The following SLC15A3 variants were observed in gnomAD, a reference collection of about 807,000 sequenced individuals.
SLC15A3 encodes solute carrier family 15 member 3, also known as osteoclast transporter.
SLC15A3 carries 39 observed loss-of-function variants against 49.2 expected under a neutral mutation model. That is an observed-to-expected ratio of 0.79 (90% confidence interval 0.61 to 1.04). The LOEUF is 1.04. Among genes scored for constraint, SLC15A3 ranks in the 50% least tolerant of loss-of-function variants. The probability of loss-of-function intolerance (pLI) is 0.00; values close to 1 mark genes in which losing one functional copy is unlikely to be tolerated. For synonymous variants in SLC15A3, 339 were observed against 367.0 expected (o/e 0.92, Z 0.87); for missense variants, 758 against 794.8 (o/e 0.95, Z 0.56).
In SLC15A3 at chr11:60,937,276, A is replaced by G; in HGVS notation, c.1689T>C (p.Tyr563=). ...ALLFVWIAGR[Y]ERASQGPASH... ...AGGCTGGGCCCTGGGACGCCCTCTC[A>G]TAGCGTCCAGCGATCCAGACAAATA... Residue 563 remains tyrosine, a synonymous_variant, in exon 8 of 8, where the codon TAT becomes TAC. Transcript: ENST00000227880. The G allele has an allele frequency of 6.2e-7, 1 of 1,614,150 alleles. No homozygotes were observed.
At chr11:60,948,862 G>T (rs1856843354) in intron 1 of SLC15A3, among the ~76,000 whole-genome samples, 2 of 152,252 alleles carry the variant, frequency 1.3e-5, no homozygotes, top group East Asian at 3.9e-4. Context: ...TGCCACAGGG[G>T]GTACTAGATG....
chr11:60,946,148 A>G (rs1483757976), intron 2 of SLC15A3, among the ~76,000 whole-genome samples: 1 of 151,862 alleles, frequency 6.6e-6, no homozygotes, highest in African/African-American at 2.4e-5. Context: ...ACAGGCCACC[A>G]CACCCCACTA....
chr11:60,947,186 AT>A (rs11307430), intron 1 of SLC15A3, among the ~76,000 whole-genome samples: 125,864 of 145,630 alleles, frequency 0.86, 54,737 homozygotes, highest in South Asian at 0.95. Flanking sequence ...ACTATTCATT[AT>A]TTTTTTTTTT....
At chr11:60,943,969 CCAAGATGA>C (rs1180149683) in intron 2 of SLC15A3, 133 bp from the exon 3 acceptor site, 6 of 882,452 alleles carry the variant, frequency 6.8e-6, no homozygotes, top group Non-Finnish European at 9.5e-6. Context: ...ACCAGCCTGG[CCAAGATGA>C]TGAAACTCCG....
intron 5 of SLC15A3, 62 bp from the exon 6 acceptor site, chr11:60,939,700 G>A: frequency 6.3e-7 from 1 of 1,577,928 alleles, no homozygotes; most frequent in East Asian, 2.2e-5. Flanking sequence ...GCCCACAGAA[G>A]AGCTTGTACA....
At chr11:60,937,790 C>A in intron 7 of SLC15A3, 80 bp downstream of exon 7, 1 of 1,515,670 alleles carries the variant, frequency 6.6e-7, no homozygotes, top group South Asian at 1.3e-5. Context: ...TCCCCAGAGT[C>A]AAAGCACTTT....
In SLC15A3 at chr11:60,946,880, C is replaced by CTA; in HGVS notation, c.559-60_559-59insTA. The CTA allele has an allele frequency of 2.0e-6, 3 of 1,530,838 alleles. No homozygotes were observed. The South Asian group carries it at 3.7e-5, about 19-fold the overall frequency. 94.8% of individuals were successfully genotyped at this position (1,530,838 alleles called of 1,614,324 possible). Reference sequence around the variant, plus strand: ...AAGGGGTCCGGGGCACTCTCTGTACCCATACCCCTCCCTCCTACAGAGACA... The same window carrying CTA: ...AAGGGGTCCGGGGCACTCTCTGTACCTACATACCCCTCCCTCCTACAGAGACA... On this transcript the variant is annotated intron_variant, in intron 1 of 7. Transcript: ENST00000227880.
intron 1 of SLC15A3, among the ~76,000 whole-genome samples, chr11:60,947,183 A>G (rs1565128902): frequency 1.7e-5 from 1 of 59,784 alleles, no homozygotes; most frequent in Non-Finnish European, 3.7e-5. Context: ...TACACTATTC[A>G]TTATTTTTTT....
At position 60,937,275 on chromosome 11, in the gene SLC15A3, C is replaced by T; in HGVS notation, c.1690G>A (p.Glu564Lys). Residue 564 changes from glutamate (E) to lysine (K), a missense_variant, in exon 8 of 8, where the codon GAG (glutamate) becomes AAG (lysine). Physicochemically the swap from Glu to Lys is moderately conservative, Grantham distance 56 (BLOSUM62 1). Transcript: ENST00000227880. ...LLFVWIAGRY[E>K]RASQGPASHS... ...GAGGCTGGGCCCTGGGACGCCCTCT[C>T]ATAGCGTCCAGCGATCCAGACAAAT... is the stretch of plus-strand genomic sequence containing the variant. 6.2e-7 allele frequency: 1 copy of T among 1,614,180 alleles called. No homozygotes were observed.
chr11:60,950,947 C>A, intron 1 of SLC15A3, 47 bp downstream of exon 1: 1 of 1,391,638 alleles, frequency 7.2e-7, no homozygotes, highest in Non-Finnish European at 9.3e-7. Flanking sequence ...GCCCTCCTTC[C>A]CTCCACACCC....
chr11:60,937,943 G>C lies in SLC15A3; in HGVS notation c.1518C>G (p.Gly506=), dbSNP rs749518483. 3.7e-6 allele frequency: 6 copies of C among 1,614,208 alleles called. No homozygotes were observed. The East Asian group carries it at 6.7e-5, about 18-fold the overall frequency. ...CCACTAGGCTGGAGCCCAACAGTGA[G>C]CCCACCCCCGACAGGCAGAAGAAGA... ...MGIFFCLSGV[G]SLLGSSLVAL... The change falls in exon 7 of 8, where the codon GGC becomes GGG. Residue 506 remains glycine (G), a synonymous_variant. Transcript: ENST00000227880.
intron 7 of SLC15A3, 45 bp downstream of exon 7, chr11:60,937,825 C>T: frequency 6.3e-7 from 1 of 1,591,574 alleles, no homozygotes; most frequent in Non-Finnish European, 8.6e-7. Flanking sequence ...CCTTTCCAAG[C>T]CTCCCTCCAT....
chr11:60,945,829 C>T (rs1252692595), intron 2 of SLC15A3, among the ~76,000 whole-genome samples: 1 of 152,106 alleles, frequency 6.6e-6, no homozygotes, highest in Non-Finnish European at 1.5e-5. Flanking sequence ...ACATTGTATC[C>T]TAACAGCCTT....
Position 60,939,545 on chromosome 11 carries a change from GAC to G in SLC15A3, c.1368_1369del (p.Ser457HisfsTer15). ...GTACTGAGGGATCTGCCACCAGATGGACAGTGGTGCCGCGTTGTACAGGACCT... is the reference window on the plus strand; with the variant it reads ...GTACTGAGGGATCTGCCACCAGATGGAGTGGTGCCGCGTTGTACAGGACCT... On this transcript the variant is annotated frameshift_variant, in exon 6 of 8. Transcript: ENST00000227880. LOFTEE classifies it high-confidence loss of function. 1 of 1,614,192 alleles carries G rather than the reference GAC, an allele frequency of 6.2e-7. No homozygotes were observed. Among genetic ancestry groups the G allele is most frequent in the Non-Finnish European group, 8.5e-7 (1 of 1,180,018 alleles).
At chr11:60,941,904 G>A (rs1202142277) in intron 4 of SLC15A3, 131 bp downstream of exon 4, 1 of 855,324 alleles carries the variant, frequency 1.2e-6, no homozygotes, top group Non-Finnish European at 1.9e-6. Flanking sequence ...CCCTCCAGGT[G>A]CTTTTCCTGT....
intron 1 of SLC15A3, among the ~76,000 whole-genome samples, chr11:60,949,485 GAAGAAAGA>G (rs1182100618): frequency 1.2e-5 from 1 of 84,194 alleles, no homozygotes. Context: ...AGAAAGAAAG[GAAGAAAGA>G]AAGAAAGAAG....
chr11:60,939,742 A>G lies in SLC15A3; in HGVS notation c.1277-104T>C, dbSNP rs115404627. ...GGATGGGGTACTCATGAAGCAGCCAAAGATTGAGCAGCAGGCAAGGAAAAG... is the reference window on the plus strand; with the variant it reads ...GGATGGGGTACTCATGAAGCAGCCAGAGATTGAGCAGCAGGCAAGGAAAAG... On this transcript the variant is annotated intron_variant, in intron 5 of 7. Coordinates refer to ENST00000227880, the MANE Select transcript of SLC15A3 (RefSeq NM_016582.3). The G allele has an allele frequency of 4.1e-4, 548 of 1,344,058 alleles. No individual in the cohort carries two copies. In the African/African-American group the frequency reaches 7.5e-3, roughly 18 times the overall value. The allele number at this position is 1,344,058 out of a possible 1,614,324, so 83.3% of individuals were successfully genotyped here. A position where few individuals can be genotyped will look rare whatever the true frequency, so the allele number is the denominator to read the frequency against.
chr11:60,941,475 C>T, intron 4 of SLC15A3, 185 bp from the exon 5 acceptor site: 1 of 543,334 alleles, frequency 1.8e-6, no homozygotes. Context: ...CAAATAGGTT[C>T]CTCTTGTATT....
chr11:60,937,671 G>C, intron 7 of SLC15A3, 199 bp downstream of exon 7: 1 of 733,282 alleles, frequency 1.4e-6, no homozygotes, highest in Non-Finnish European at 2.2e-6. Flanking sequence ...GGTCCACTAA[G>C]TTCAACACTT....
Sources: gnomAD v4.1 joint callset for allele counts (sites outside exome capture counted in the v4.1 genomes callset) on GRCh38, gnomAD v4.1.1 for gene constraint, MANE v1.5 for transcripts, NCBI Gene and HGNC (gene_info 2026-07-23, HGNC 2026-07-21) for gene names.